FSTL4: variants seen among roughly 807,000 people sequenced by gnomAD.
FSTL4 encodes the protein follistatin like 4, also known as follistatin-related protein 4.
A neutral mutation model predicts 78.2 loss-of-function variants in FSTL4; 28 were observed. The ratio of observed to expected loss-of-function variants is 0.36; its 90% CI spans 0.27 to 0.49. The LOEUF (loss-of-function observed/expected upper bound fraction) is 0.49, where lower values mean the gene tolerates loss of function less well. Among genes scored for constraint, FSTL4 ranks in the 20% least tolerant of loss-of-function variants. The pLI is 0.98. For missense variants in FSTL4, 922 were observed against 1,084.9 expected, an observed-to-expected ratio of 0.85 and a Z score of 2.11; for synonymous variants, 422 against 440.5, an observed-to-expected ratio of 0.96 and a Z score of 0.53.
the FSTL4 span, among the ~76,000 whole-genome samples, chr5:133,718,969 T>A: frequency 1.3e-5 from 2 of 152,220 alleles, no homozygotes; most frequent in African/African-American, 2.4e-5. Context: ...AAATAAAATG[T>A]AATCCAAAAT....
chr5:133,557,706 A>G (rs1200831662), intron 3 of FSTL4, among the ~76,000 whole-genome samples: 6 of 152,204 alleles, frequency 3.9e-5, no homozygotes, highest in Non-Finnish European at 8.8e-5. Flanking sequence ...ACCCCCAGAG[A>G]GGGGCAAAAT....
chr5:133,814,799 T>C, the FSTL4 span, among the ~76,000 whole-genome samples: 1 of 152,234 alleles, frequency 6.6e-6, no homozygotes, highest in African/African-American at 2.4e-5. Context: ...TTTAAAATTA[T>C]CTGGAAAATG....
At chr5:133,662,763 C>T in the FSTL4 span, among the ~76,000 whole-genome samples, 1 of 152,118 alleles carries the variant, frequency 6.6e-6, no homozygotes, top group African/African-American at 2.4e-5. Context: ...GGTCACCTGG[C>T]TCAACGTGGC....
chr5:133,227,661 G>A lies in FSTL4; in HGVS notation c.1016-1842C>T, dbSNP rs1751374613. Reference sequence around the variant, plus strand: ...ACTAGATCACTGTCTATTTCTACAAGCCTGCCTGGCAACCACAGAATAAAC... The same window carrying A: ...ACTAGATCACTGTCTATTTCTACAAACCTGCCTGGCAACCACAGAATAAAC... On this transcript the variant is annotated intron_variant, in intron 8 of 15. Coordinates refer to ENST00000265342, the MANE Select transcript of FSTL4 (RefSeq NM_015082.2). Among the ~76,000 whole-genome samples the A allele has an allele frequency of 2.0e-5, 3 of 152,176 alleles. No homozygotes were observed. The South Asian group carries it at 6.2e-4, about 32-fold the overall frequency.
intron 4 of FSTL4, among the ~76,000 whole-genome samples, chr5:133,366,455 C>T (rs892120376): frequency 2.6e-5 from 4 of 152,074 alleles, no homozygotes; most frequent in South Asian, 2.1e-4. Flanking sequence ...GTTGTATCGC[C>T]GGTGCTTGAC....
the FSTL4 span, among the ~76,000 whole-genome samples, chr5:133,699,490 G>T: frequency 6.6e-6 from 1 of 151,936 alleles, no homozygotes; most frequent in African/African-American, 2.4e-5. Context: ...TTAGTGTTTT[G>T]ATTTTATTCA....
chr5:133,528,516 T>C (rs1344913872), intron 3 of FSTL4, among the ~76,000 whole-genome samples: 1 of 152,202 alleles, frequency 6.6e-6, no homozygotes, highest in Non-Finnish European at 1.5e-5. Context: ...CAAGCTCTCA[T>C]GCTACATGTC....
At chr5:133,639,700 G>A in the FSTL4 span, among the ~76,000 whole-genome samples, 1 of 152,188 alleles carries the variant, frequency 6.6e-6, no homozygotes, top group Non-Finnish European at 1.5e-5. Context: ...GAAACTTGGG[G>A]GGAATGCTTT....
chr5:133,425,084 G>C (rs978461138), intron 3 of FSTL4, among the ~76,000 whole-genome samples: 1 of 152,116 alleles, frequency 6.6e-6, no homozygotes, highest in Non-Finnish European at 1.5e-5. Flanking sequence ...AAAGATCTAC[G>C]GGCTCACATG....
chr5:133,579,606 A>C (rs1165582397), intron 2 of FSTL4, among the ~76,000 whole-genome samples: 1 of 152,194 alleles, frequency 6.6e-6, no homozygotes, highest in Non-Finnish European at 1.5e-5. Flanking sequence ...GTTCATGTTT[A>C]AATTATTTAT....
intron 3 of FSTL4, among the ~76,000 whole-genome samples, chr5:133,503,654 T>C (rs758171232): frequency 1.1e-4 from 16 of 152,232 alleles, no homozygotes; most frequent in Non-Finnish European, 1.8e-4. Flanking sequence ...CACTTATGGC[T>C]TCTTTTGCCA....
chr5:133,796,922 T>C, the FSTL4 span, among the ~76,000 whole-genome samples: 1 of 151,954 alleles, frequency 6.6e-6, no homozygotes, highest in African/African-American at 2.4e-5. Context: ...AGTCAAAAAG[T>C]GTTATGAAAT....
intron 3 of FSTL4, among the ~76,000 whole-genome samples, chr5:133,524,204 G>A (rs1336588987): frequency 6.6e-6 from 1 of 152,216 alleles, no homozygotes; most frequent in Non-Finnish European, 1.5e-5. Flanking sequence ...GAGAGAGATG[G>A]ACGGGCTTGA....
chr5:133,797,976 C>T, the FSTL4 span, among the ~76,000 whole-genome samples: 1 of 152,066 alleles, frequency 6.6e-6, no homozygotes, highest in Non-Finnish European at 1.5e-5. Flanking sequence ...TCCCCACCCC[C>T]ACAAACACAC....
chr5:133,538,882 G>A (rs374843770), intron 3 of FSTL4, among the ~76,000 whole-genome samples: 23 of 152,236 alleles, frequency 1.5e-4, no homozygotes, highest in Middle Eastern at 3.4e-3. Flanking sequence ...CTGGGAGAGC[G>A]GGGGGCTAGC....
chr5:133,430,390 A>C (rs1756909216), intron 3 of FSTL4, among the ~76,000 whole-genome samples: 1 of 152,088 alleles, frequency 6.6e-6, no homozygotes, highest in Non-Finnish European at 1.5e-5. Context: ...GTATTTGCAA[A>C]GGGTTTGAGG....
chr5:133,705,533 A>T, the FSTL4 span, among the ~76,000 whole-genome samples: 3 of 152,120 alleles, frequency 2.0e-5, no homozygotes, highest in Admixed American at 6.5e-5. Context: ...GGGCTGCCTC[A>T]GTTGGGCCAT....
In FSTL4 at chr5:133,225,974, G is replaced by C; in HGVS notation, c.1016-155C>G. ...AATTATAATAATCCTGTCCAGCAAC[G>C]CAAGCTCTAAAAGAAAGGGCTATAA... On this transcript the variant is annotated intron_variant, in intron 8 of 15. Coordinates refer to ENST00000265342, the MANE Select transcript of FSTL4 (RefSeq NM_015082.2). This position sits in a 1 kb window ranked among gnomAD's most constrained non-coding sequence, Gnocchi z 4.6. 1 of 495,614 alleles carries C rather than the reference G, an allele frequency of 2.0e-6. No individual in the cohort carries two copies. Among genetic ancestry groups the C allele is most frequent in the Admixed American group, 3.4e-5 (1 of 29,220 alleles). 30.7% of individuals were successfully genotyped at this position (495,614 alleles called of 1,614,324 possible).
At chr5:133,407,038 T>C (rs1342800989) in intron 3 of FSTL4, among the ~76,000 whole-genome samples, 4 of 152,206 alleles carry the variant, frequency 2.6e-5, no homozygotes, top group Non-Finnish European at 4.4e-5. Flanking sequence ...TAGATGTCCA[T>C]AGTGTGAGCT....
Sources: gnomAD v4.1 joint callset for allele counts (sites outside exome capture counted in the v4.1 genomes callset) on GRCh38, gnomAD v4.1.1 for gene constraint, Gnocchi (gnomAD v3.1) non-coding constraint, MANE v1.5 for transcripts, NCBI Gene and HGNC (gene_info 2026-07-23, HGNC 2026-07-21) for gene names.